Variants in ASPG observed in about 807,000 individuals in gnomAD.
ASPG encodes the protein asparaginase.
A neutral mutation model predicts 63.2 loss-of-function variants in ASPG; 53 were observed. The ratio of observed to expected loss-of-function variants is 0.84; its 90% CI spans 0.67 to 1.05. ASPG has a LOEUF of 1.05. Ranked by LOEUF, ASPG falls within the 50% of genes least tolerant of loss-of-function variation. The pLI, the probability that ASPG is intolerant of heterozygous loss-of-function variation, is 0.00. For synonymous variants in ASPG, 370 were observed against 355.0 expected, an observed-to-expected ratio of 1.04 and a Z score of -0.48; for missense variants, 741 against 794.4, an observed-to-expected ratio of 0.93 and a Z score of 0.81.
intron 6 of ASPG, among the ~76,000 whole-genome samples, chr14:104,100,964 GCA>G (rs1308562809): frequency 2.0e-5 from 3 of 152,242 alleles, no homozygotes; most frequent in Non-Finnish European, 4.4e-5. Context: ...CCCCAACAGT[GCA>G]CAGAGGACCG....
chr14:104,104,621 G>A lies in ASPG; in HGVS notation c.937-1G>A. The A allele has an allele frequency of 1.9e-6, 3 of 1,605,958 alleles. No individual in the cohort carries two copies. The highest frequency in any genetic ancestry group is 2.6e-6 in the Non-Finnish European group (3 of 1,175,814). On this transcript the variant is annotated splice_acceptor_variant, in intron 8 of 15. Transcript: ENST00000551177. LOFTEE classifies it high-confidence loss of function. ...CCTGCCCACACGCCCCCTCCTCACA[G>A]GCCATGGCGGGAGCCGGCGTCATCT...
In ASPG at chr14:104,109,353, G is replaced by C. The variant is rs752662667; in HGVS notation, c.1520+38G>C. ...AGAGCACCTGCTCTTCCAGGGATGT[G>C]GGGGACACAGCTTGGGGAAGCGAAG... On this transcript the variant is annotated intron_variant, in intron 13 of 15. Transcript: ENST00000551177. This position sits in a 1 kb window ranked among gnomAD's most constrained non-coding sequence, Gnocchi z 4.8. The C allele has an allele frequency of 1.1e-5, 18 of 1,566,922 alleles. No homozygotes were observed. The highest frequency in any genetic ancestry group is 1.4e-5 in the Non-Finnish European group (16 of 1,154,516).
intron 6 of ASPG, among the ~76,000 whole-genome samples, chr14:104,100,528 C>T (rs1177141820): frequency 6.6e-6 from 1 of 152,182 alleles, no homozygotes; most frequent in Non-Finnish European, 1.5e-5. Flanking sequence ...TGTGCGCTGT[C>T]TCCTGTCCTG....
At chr14:104,096,617 G>C (rs2036606910) in intron 4 of ASPG, among the ~76,000 whole-genome samples, 1 of 152,190 alleles carries the variant, frequency 6.6e-6, no homozygotes, top group Non-Finnish European at 1.5e-5. Flanking sequence ...AACATCCCGT[G>C]GACCTCTCTA....
chr14:104,108,365 A>G (rs1273442812), intron 12 of ASPG: 1 of 971,448 alleles, frequency 1.0e-6, no homozygotes, highest in Admixed American at 6.2e-5. Context: ...GAGCTCACAC[A>G]GTCCCGCCCC....
intron 12 of ASPG, chr14:104,108,443 C>G (rs1017449214): frequency 1.3e-5 from 13 of 985,292 alleles, no homozygotes; most frequent in African/African-American, 1.7e-5. Flanking sequence ...AGCCTCGCTC[C>G]GCTGCCAGGC....
chr14:104,108,648 C>T (rs1212227179), intron 12 of ASPG: 3 of 985,320 alleles, frequency 3.0e-6, no homozygotes, highest in East Asian at 1.1e-4. Context: ...CCTCCGGCCT[C>T]GGGCCTTTGT....
rs1189763165 is a variant in ASPG at position 104,097,564 on chromosome 14, A to C, written c.440A>C (p.His147Pro). 1 of 1,554,604 alleles carries C rather than the reference A, an allele frequency of 6.4e-7. No homozygotes were observed. Among genetic ancestry groups the C allele is most frequent in the South Asian group, 1.2e-5 (1 of 84,186 alleles). ...VILTGAQVPI[H>P]ALWSDGRENL... The stretch of plus-strand genomic sequence containing the variant: ...TGGCCTCTCCCCCAGGTGCCCATCC[A>C]TGCCCTGTGGAGCGACGGCCGTGAG... Residue 147 changes from histidine to proline, a missense_variant, in exon 5 of 16, where the codon CAT becomes CCT. Physicochemically the swap from His to Pro is moderately conservative, Grantham distance 77 (BLOSUM62 -2). Transcript: ENST00000551177.
intron 10 of ASPG, 33 bp from the exon 11 acceptor site, chr14:104,106,766 C>A: frequency 1.3e-6 from 2 of 1,536,704 alleles, no homozygotes; most frequent in South Asian, 1.2e-5. Flanking sequence ...CAAAGGGAGG[C>A]GTGGGTCCCA....
At chr14:104,094,675 A>G (rs1744286) in intron 3 of ASPG, among the ~76,000 whole-genome samples, 119,206 of 152,188 alleles carry the variant, frequency 0.78, 46,858 homozygotes, top group East Asian at 0.88. Context: ...CTCCATTTGT[A>G]GCCGGCAGCC....
At chr14:104,098,800 G>A (rs2141011183) in intron 5 of ASPG, 53 bp from the exon 6 acceptor site, 2 of 1,587,412 alleles carry the variant, frequency 1.3e-6, no homozygotes, top group Middle Eastern at 1.7e-4. Flanking sequence ...GAGGGCAGAT[G>A]GGTCGGGGAC....
intron 6 of ASPG, 75 bp from the exon 7 acceptor site, chr14:104,103,488 A>T: frequency 7.7e-7 from 1 of 1,304,878 alleles, no homozygotes; most frequent in Non-Finnish European, 1.1e-6. Flanking sequence ...GCCTGTGCAG[A>T]GGGCCAGGCA....
chr14:104,106,424 T>A (rs561679660), intron 10 of ASPG, among the ~76,000 whole-genome samples: 267 of 151,898 alleles, frequency 1.8e-3, no homozygotes, highest in African/African-American at 6.1e-3. Flanking sequence ...AGGGGAGGGG[T>A]CTGGCTCTGC....
intron 9 of ASPG, 25 bp from the exon 10 acceptor site, chr14:104,105,303 A>C: frequency 1.2e-6 from 2 of 1,612,554 alleles, no homozygotes; most frequent in Non-Finnish European, 1.7e-6. Flanking sequence ...TGGCAGAGCC[A>C]CTTCACCTCT....
intron 14 of ASPG, 94 bp downstream of exon 14, chr14:104,111,695 C>T (rs1324227956): frequency 3.2e-5 from 33 of 1,039,690 alleles, no homozygotes; most frequent in East Asian, 1.0e-4. Flanking sequence ...TGCCCCTCCC[C>T]GCTCTGCCCC....
At chr14:104,100,027 C>A (rs1253270471) in intron 6 of ASPG, among the ~76,000 whole-genome samples, 2 of 152,200 alleles carry the variant, frequency 1.3e-5, no homozygotes, top group Non-Finnish European at 2.9e-5. Flanking sequence ...GTCAAGCCCA[C>A]AAGGTCACTG....
At chr14:104,090,768 G>C (rs963492410) in intron 1 of ASPG, among the ~76,000 whole-genome samples, 1 of 152,196 alleles carries the variant, frequency 6.6e-6, no homozygotes, top group Non-Finnish European at 1.5e-5. Flanking sequence ...GCCACCTCCC[G>C]CCCCATGACC....
At chr14:104,112,316 C>T (rs755741760) in intron 15 of ASPG, among the ~76,000 whole-genome samples, 7 of 152,048 alleles carry the variant, frequency 4.6e-5, no homozygotes, top group Non-Finnish European at 7.4e-5. Context: ...ACCGGGACCC[C>T]CTAGGCTGGG....
In ASPG at chr14:104,109,356, G is replaced by T; in HGVS notation, c.1520+41G>T. ...GCACCTGCTCTTCCAGGGATGTGGG[G>T]GACACAGCTTGGGGAAGCGAAGCCA... On this transcript the variant is annotated intron_variant, in intron 13 of 15. Coordinates refer to ENST00000551177, the MANE Select transcript of ASPG (RefSeq NM_001080464.3). The surrounding 1 kb of genome is among the most constrained non-coding windows in gnomAD (Gnocchi z 4.8). 1 of 1,563,900 alleles carries T rather than the reference G, an allele frequency of 6.4e-7. No individual in the cohort carries two copies. Among genetic ancestry groups the T allele is most frequent in the Non-Finnish European group, 8.7e-7 (1 of 1,152,856 alleles).
Sources: allele counts gnomAD v4.1 joint callset (sites outside exome capture counted in the v4.1 genomes callset), GRCh38; gene constraint gnomAD v4.1.1; non-coding constraint Gnocchi (gnomAD v3.1); transcripts MANE v1.5; gene names NCBI Gene and HGNC (gene_info 2026-07-23, HGNC 2026-07-21).